The following TEKT3 variants were observed in gnomAD, a reference collection of about 807,000 sequenced individuals.
TEKT3 encodes tektin-3.
Under a neutral mutation model 49.8 loss-of-function variants are expected in TEKT3, and 49 were observed. That is an observed-to-expected ratio of 0.98 (90% CI 0.78 to 1.25). TEKT3 has a LOEUF of 1.25. TEKT3 is among the 50% of genes most tolerant of loss of function. The pLI is 0.00. For missense variants in TEKT3, 595 were observed against 629.5 expected (o/e 0.95, Z 0.59); for synonymous variants, 225 against 237.2 (o/e 0.95, Z 0.47).
intron 2 of TEKT3, 142 bp downstream of exon 2, chr17:15,339,886 A>C (rs1477157518): frequency 2.0e-5 from 3 of 152,154 alleles, no homozygotes; most frequent in Admixed American, 2.0e-4. Flanking sequence ...CTTTATGCAT[A>C]TATTACATAA....
intron 4 of TEKT3, among the ~76,000 whole-genome samples, chr17:15,326,123 T>C (rs1911478212): frequency 6.6e-6 from 1 of 152,116 alleles, no homozygotes; most frequent in South Asian, 2.1e-4. Flanking sequence ...TTTAATGTCA[T>C]GGGTCACTAA....
intron 2 of TEKT3, among the ~76,000 whole-genome samples, chr17:15,332,586 C>T (rs1444390040): frequency 6.6e-6 from 1 of 152,110 alleles, no homozygotes; most frequent in Admixed American, 6.5e-5. Context: ...GATATGCAAA[C>T]GCAGCTCGAG....
intron 5 of TEKT3, 120 bp from the exon 6 acceptor site, chr17:15,314,350 T>A (rs1253266857): frequency 2.2e-6 from 3 of 1,343,708 alleles, no homozygotes; most frequent in Non-Finnish European, 3.1e-6. Flanking sequence ...CTCTCCCTCT[T>A]CACACAGCGT....
intron 2 of TEKT3, among the ~76,000 whole-genome samples, chr17:15,337,161 C>A (rs899201837): frequency 6.6e-6 from 1 of 151,834 alleles, no homozygotes; most frequent in African/African-American, 2.4e-5. Context: ...TTTTTAATTT[C>A]TAGTATAATA....
At position 15,318,950 on chromosome 17, in the gene TEKT3, T is replaced by G. The variant is rs1911134733; in HGVS notation, c.734+127A>C. ...GGTATCAAGTAATCATCTTAACATT[T>G]GAATAAAAATATGTGTATATGCCTG... On this transcript the variant is annotated intron_variant, in intron 5 of 8. Transcript: ENST00000395930. The G allele has an allele frequency of 4.5e-6, 3 of 661,912 alleles. No individual in the cohort carries two copies. The African/African-American group carries it at 5.5e-5, about 12-fold the overall frequency. The allele number at this position is 661,912 out of a possible 1,614,324, so 41.0% of individuals were successfully genotyped here.
Position 15,314,228 on chromosome 17 carries a change from G to A in TEKT3, c.737C>T (p.Ala246Val). ...HLDKAIAQLA[A>V]NRASQHELEK... ...CAGCTCATGCTGGGACGCTCTGTTG[G>A]CTCTGCAATACAGAGTCGGGAAGTG... The change falls in exon 6 of 9, where the codon GCC (alanine) becomes GTC (valine). Residue 246 changes from alanine (A) to valine (V), a missense_variant and splice_region_variant. Physicochemically the swap from Ala to Val is moderately conservative, Grantham distance 64. Coordinates refer to ENST00000395930, the MANE Select transcript of TEKT3 (RefSeq NM_031898.3). The A allele has an allele frequency of 6.2e-7, 1 of 1,614,184 alleles. No homozygotes were observed.
chr17:15,305,766 T>C (rs1910516144), intron 8 of TEKT3, among the ~76,000 whole-genome samples: 1 of 149,646 alleles, frequency 6.7e-6, no homozygotes, highest in Admixed American at 6.7e-5. Flanking sequence ...TTTGAAAATA[T>C]ACATGTCAAA....
intron 3 of TEKT3, 78 bp downstream of exon 3, chr17:15,330,929 A>G: frequency 7.3e-7 from 1 of 1,367,086 alleles, no homozygotes; most frequent in Non-Finnish European, 9.8e-7. Context: ...AACATAAGTC[A>G]ATAAATAAAT....
chr17:15,334,288 A>G (rs1911898755), intron 2 of TEKT3, among the ~76,000 whole-genome samples: 1 of 151,988 alleles, frequency 6.6e-6, no homozygotes, highest in African/African-American at 2.4e-5. Flanking sequence ...ACTCCTGGCC[A>G]CAAGTGATCC....
chr17:15,308,191 C>T (rs1910620208), intron 8 of TEKT3, among the ~76,000 whole-genome samples: 1 of 152,142 alleles, frequency 6.6e-6, no homozygotes, highest in African/African-American at 2.4e-5. Context: ...TCGCGTTCCC[C>T]ATGCTGAGAA....
intron 7 of TEKT3, among the ~76,000 whole-genome samples, 192 bp downstream of exon 7, chr17:15,312,067 A>G (rs576181673): frequency 1.2e-4 from 18 of 152,266 alleles, no homozygotes; most frequent in Non-Finnish European, 1.3e-4. Context: ...GTGGATTCCA[A>G]TTTCATTTTG....
chr17:15,334,424 C>T (rs916029721), intron 2 of TEKT3, among the ~76,000 whole-genome samples: 4 of 152,186 alleles, frequency 2.6e-5, no homozygotes, highest in Non-Finnish European at 4.4e-5. Context: ...TGGAATTTCA[C>T]GTGTAGAATG....
chr17:15,331,440 G>A lies in TEKT3; in HGVS notation c.146C>T (p.Pro49Leu), dbSNP rs757869791. Residue 49 changes from proline (P) to leucine (L), a missense_variant, in exon 3 of 9, where the codon CCT (proline) becomes CTT (leucine). Physicochemically the swap from Pro to Leu is moderately conservative, Grantham distance 98 (BLOSUM62 -3). Coordinates refer to ENST00000395930, the MANE Select transcript of TEKT3 (RefSeq NM_031898.3). Reference protein sequence around the residue: ...HSNLTHSLSLPWRPSTYYKVA... With the variant: ...HSNLTHSLSLLWRPSTYYKVA... ...TTTGTAGTATGTGCTGGGTCTCCAA[G>A]GAAGGCTCAGGCTATGGGTCAAATT... 5 of 1,614,082 alleles carry A rather than the reference G, an allele frequency of 3.1e-6. No homozygotes were observed. The highest frequency in any genetic ancestry group is 4.2e-6 in the Non-Finnish European group (5 of 1,180,006).
chr17:15,339,216 A>G (rs1912125611), intron 2 of TEKT3, among the ~76,000 whole-genome samples: 1 of 152,152 alleles, frequency 6.6e-6, no homozygotes, highest in African/African-American at 2.4e-5. Flanking sequence ...CTTCTGCCAT[A>G]TTATGATGTA....
At chr17:15,309,144 C>T (rs547218181) in intron 7 of TEKT3, among the ~76,000 whole-genome samples, 3 of 152,262 alleles carry the variant, frequency 2.0e-5, no homozygotes, top group African/African-American at 7.2e-5. Flanking sequence ...ATTAGGGGCT[C>T]CCTGCAAGCT....
At chr17:15,312,630 T>C in intron 6 of TEKT3, 149 bp from the exon 7 acceptor site, 1 of 666,794 alleles carries the variant, frequency 1.5e-6, no homozygotes, top group East Asian at 2.7e-5. Flanking sequence ...ATGAGGCTTA[T>C]TTTCAACTTT....
At position 15,331,008 on chromosome 17, in the gene TEKT3, T is replaced by G. The variant is rs1442978449; in HGVS notation, c.578A>C (p.Gln193Pro). The change falls in exon 3 of 9, where the codon CAG (glutamine) becomes CCG (proline). Residue 193 changes from glutamine (Q) to proline (P), a missense_variant and splice_region_variant. Physicochemically the swap from Gln to Pro is moderately conservative, Grantham distance 76. Coordinates refer to ENST00000395930, the MANE Select transcript of TEKT3 (RefSeq NM_031898.3). ...RALMETEAPL[Q>P]VARECLFHRE... is the part of the protein sequence containing the mutation. ...GTGTGTTCTATCATAAGGTCTTACC[T>G]GAAGAGGGGCTTCAGTCTCCATCAA... 6.2e-7 allele frequency: 1 copy of G among 1,606,340 alleles called. No homozygotes were observed. The highest frequency in any genetic ancestry group is 1.1e-5 in the South Asian group (1 of 89,448).
chr17:15,316,285 T>C (rs1055947427), intron 5 of TEKT3, among the ~76,000 whole-genome samples: 16 of 152,204 alleles, frequency 1.1e-4, no homozygotes, highest in African/African-American at 3.9e-4. Flanking sequence ...GAAGCATCTA[T>C]TGTTACAGTT....
intron 8 of TEKT3, among the ~76,000 whole-genome samples, chr17:15,305,222 C>T (rs1480233545): frequency 6.6e-6 from 1 of 152,188 alleles, no homozygotes; most frequent in South Asian, 2.1e-4. Flanking sequence ...CGCTTCCAAG[C>T]CACTTGTAGG....
Sources: gnomAD v4.1 joint callset for allele counts (sites outside exome capture counted in the v4.1 genomes callset) on GRCh38, gnomAD v4.1.1 for gene constraint, MANE v1.5 for transcripts, NCBI Gene and HGNC (gene_info 2026-07-23, HGNC 2026-07-21) for gene names.